The following COL28A1 variants were observed in gnomAD, a reference collection of about 807,000 sequenced individuals.
COL28A1 encodes collagen type XXVIII alpha 1 chain.
A neutral mutation model predicts 150.2 loss-of-function variants in COL28A1; 161 were observed. That is an observed-to-expected ratio of 1.07 (90% confidence interval 0.94 to 1.22). The LOEUF (loss-of-function observed/expected upper bound fraction) is 1.22. Among genes scored for constraint, COL28A1 ranks in the 50% most tolerant of loss-of-function variants. The pLI is 0.00. For missense variants in COL28A1, 1,617 were observed against 1,388.3 expected (o/e 1.16, Z -2.62); for synonymous variants, 552 against 469.7 (o/e 1.18, Z -2.26).
At chr7:7,482,737 T>C (rs1453950483) in intron 13 of COL28A1, among the ~76,000 whole-genome samples, 1 of 152,044 alleles carries the variant, frequency 6.6e-6, no homozygotes, top group Non-Finnish European at 1.5e-5. Flanking sequence ...TACAAACAGT[T>C]AGAAAGACAG....
At chr7:7,538,552 T>C (rs1158090906), upstream of COL28A1, among the ~76,000 whole-genome samples, 2 of 152,216 alleles carry the variant, frequency 1.3e-5, no homozygotes, top group South Asian at 2.1e-4. Context: ...TTCAACTTTT[T>C]CAAATTCTTT....
intron 13 of COL28A1, 50 bp from the exon 14 acceptor site, chr7:7,477,230 A>G: frequency 1.2e-6 from 1 of 852,260 alleles, no homozygotes; most frequent in Non-Finnish European, 2.0e-6. Flanking sequence ...GAAAAGGGAA[A>G]GAGGAGTGAT....
At chr7:7,428,517 C>T (rs1419556776) in intron 25 of COL28A1, among the ~76,000 whole-genome samples, 1 of 152,204 alleles carries the variant, frequency 6.6e-6, no homozygotes, top group Non-Finnish European at 1.5e-5. Context: ...GGGGTGAAAA[C>T]ACAGGAACAG....
chr7:7,464,970 C>T (rs1787944536), intron 15 of COL28A1, among the ~76,000 whole-genome samples: 1 of 152,016 alleles, frequency 6.6e-6, no homozygotes, highest in Non-Finnish European at 1.5e-5. Flanking sequence ...ACAACTGGCA[C>T]CAAAAATCTA....
intron 27 of COL28A1, among the ~76,000 whole-genome samples, chr7:7,413,014 G>T (rs1219796561): frequency 6.6e-6 from 1 of 151,954 alleles, no homozygotes; most frequent in South Asian, 2.1e-4. Context: ...AATACAGATG[G>T]GGGGAGATAT....
At chr7:7,365,825 C>G (rs1780906336) in intron 33 of COL28A1, among the ~76,000 whole-genome samples, 2 of 152,162 alleles carry the variant, frequency 1.3e-5, no homozygotes, top group Non-Finnish European at 2.9e-5. Context: ...TTCAAATTGT[C>G]TGGCTTCTCA....
chr7:7,422,660 C>T (rs769422357), intron 25 of COL28A1, among the ~76,000 whole-genome samples: 14 of 151,732 alleles, frequency 9.2e-5, no homozygotes, highest in Non-Finnish European at 2.1e-4. Flanking sequence ...AAGGATATAG[C>T]CAGACACCAT....
intron 33 of COL28A1, among the ~76,000 whole-genome samples, chr7:7,362,782 A>T (rs374164528): frequency 6.6e-6 from 1 of 152,174 alleles, no homozygotes. Context: ...CAGATACAGC[A>T]ATTTGAATGT....
At chr7:7,502,910 G>C (rs11764409) in intron 11 of COL28A1, among the ~76,000 whole-genome samples, 1 of 47,678 alleles carries the variant, frequency 2.1e-5, no homozygotes, top group East Asian at 5.9e-4. Context: ...TGTTAGCCAG[G>C]ATGGTCTCGA....
chr7:7,373,452 T>C lies in COL28A1; in HGVS notation c.2454A>G (p.Lys818=), dbSNP rs761515046. 20 of 1,614,146 alleles carry C rather than the reference T, an allele frequency of 1.2e-5. No individual in the cohort carries two copies. In the South Asian group the frequency reaches 2.1e-4, roughly 17 times the overall value. ...GGTCAGCCATAGTCTTCACAAAATT[T>C]TTAATGATCTGAAAGTTCTCTGGCC... The part of the protein sequence containing the change: ...SVGPENFQII[K]NFVKTMADRV... The change falls in exon 32 of 35, where the codon AAA becomes AAG. Residue 818 remains lysine, a synonymous_variant. Coordinates refer to ENST00000399429, the MANE Select transcript of COL28A1 (RefSeq NM_001037763.3). The surrounding 1 kb of genome is among the most constrained non-coding windows in gnomAD (Gnocchi z 4.1).
intron 15 of COL28A1, among the ~76,000 whole-genome samples, chr7:7,458,321 C>T (rs1367934656): frequency 6.6e-6 from 1 of 151,808 alleles, no homozygotes; most frequent in East Asian, 1.9e-4. Flanking sequence ...GAGGCTAAGG[C>T]AGGAGAATCA....
chr7:7,416,004 T>C (rs1239819004), intron 27 of COL28A1, among the ~76,000 whole-genome samples: 1 of 152,180 alleles, frequency 6.6e-6, no homozygotes. Flanking sequence ...GGTTTCACCA[T>C]GTTGCCCAGG....
At chr7:7,471,772 G>C (rs1439289916) in intron 15 of COL28A1, among the ~76,000 whole-genome samples, 2 of 152,168 alleles carry the variant, frequency 1.3e-5, no homozygotes, top group African/African-American at 4.8e-5. Context: ...GCGGGCACCT[G>C]CAATCCCAGC....
chr7:7,389,807 G>C (rs1782425683), intron 27 of COL28A1, among the ~76,000 whole-genome samples: 1 of 152,088 alleles, frequency 6.6e-6, no homozygotes, highest in Non-Finnish European at 1.5e-5. Context: ...GTTTGTTATT[G>C]GTGTATAAGA....
chr7:7,396,207 T>C (rs186337890), intron 27 of COL28A1, among the ~76,000 whole-genome samples: 17 of 152,320 alleles, frequency 1.1e-4, no homozygotes, highest in African/African-American at 2.9e-4. Flanking sequence ...ATTGATCTCC[T>C]TCCCCCTGAA....
chr7:7,362,582 T>A (rs902844679), intron 33 of COL28A1, among the ~76,000 whole-genome samples: 1 of 146,756 alleles, frequency 6.8e-6, no homozygotes, highest in Non-Finnish European at 1.5e-5. Flanking sequence ...TTTACAGTGA[T>A]TAAATTACTA....
intron 27 of COL28A1, among the ~76,000 whole-genome samples, chr7:7,407,376 G>C (rs1214506826): frequency 6.6e-6 from 1 of 151,842 alleles, no homozygotes; most frequent in Non-Finnish European, 1.5e-5. Flanking sequence ...TAAATAAAAA[G>C]CAATCTACAT....
chr7:7,354,056 G>A (rs905197504), downstream of COL28A1, among the ~76,000 whole-genome samples: 2 of 151,782 alleles, frequency 1.3e-5, no homozygotes, highest in Admixed American at 6.6e-5. Flanking sequence ...TGGGGTCTTG[G>A]TGTCACTCTG....
At position 7,421,609 on chromosome 7, in the gene COL28A1, T is replaced by G. The variant is rs1860726; in HGVS notation, c.1999-1656A>C. ...CTTCCAACACTGCAAAAACCATAAA[T>G]TACAAGAAATGTTGAAGTTGTTCAT... On this transcript the variant is annotated intron_variant, in intron 25 of 34. Transcript: ENST00000399429. 4.9e-3 allele frequency among the ~76,000 whole-genome samples: 745 copies of G among 152,276 alleles called. 9 individuals are homozygous for G. Among genetic ancestry groups the G allele is most frequent in the East Asian group, 0.028 (147 of 5,186 alleles).
Sources: gnomAD v4.1 joint callset for allele counts (sites outside exome capture counted in the v4.1 genomes callset) on GRCh38, gnomAD v4.1.1 for gene constraint, Gnocchi (gnomAD v3.1) non-coding constraint, MANE v1.5 for transcripts, NCBI Gene and HGNC (gene_info 2026-07-23, HGNC 2026-07-21) for gene names.